The following PCDHGA4 variants were observed in gnomAD, a reference collection of about 807,000 sequenced individuals.
The protein encoded by PCDHGA4 is protocadherin gamma subfamily A, 4.
In PCDHGA4, 38 loss-of-function variants were observed where a neutral mutation model predicts 54.6. The ratio of observed to expected loss-of-function variants is 0.70; its 90% CI spans 0.54 to 0.91. PCDHGA4 has a LOEUF of 0.91. Among genes scored for constraint, PCDHGA4 ranks in the 40% least tolerant of loss-of-function variants. PCDHGA4 has a pLI of 0.00. For missense variants in PCDHGA4, 1,298 were observed against 1,220.9 expected (o/e 1.06, Z -0.94); for synonymous variants, 511 against 512.9 (o/e 1.00, Z 0.05).
At position 141,432,707 on chromosome 5, in the gene PCDHGA4, G is replaced by A. The variant is rs750859951; in HGVS notation, c.2515-62100G>A. ...CCTCGTAGTGGCCGTCCAGGACCAC[G>A]GCCAGCCCCCTCTCTCCGCCACTGT... On this transcript the variant is annotated intron_variant, in intron 1 of 3. Coordinates refer to ENST00000571252, the MANE Select transcript of PCDHGA4 (RefSeq NM_018917.4). The surrounding 1 kb of genome is among the most constrained non-coding windows in gnomAD (Gnocchi z 6.0). 5 of 1,613,988 alleles carry A rather than the reference G, an allele frequency of 3.1e-6. No individual in the cohort carries two copies. Among genetic ancestry groups the A allele is most frequent in the Non-Finnish European group, 4.2e-6 (5 of 1,179,970 alleles).
Position 141,403,062 on chromosome 5 carries a change from A to G in PCDHGA4, c.2514+45441A>G, listed in dbSNP as rs780758422. On this transcript the variant is annotated intron_variant, in intron 1 of 3. Transcript: ENST00000571252. ...AGTCAGATTCGCTACTCAGTGCCTG[A>G]AGAGACAGAAAAGGGCTATATTGTG... is the stretch of plus-strand genomic sequence containing the variant. The G allele has an allele frequency of 7.4e-6, 12 of 1,613,964 alleles. 1 individual carries two copies. The South Asian group carries it at 1.1e-4, about 15-fold the overall frequency.
chr5:141,370,451 C>A, intron 1 of PCDHGA4: 1 of 1,611,138 alleles, frequency 6.2e-7, no homozygotes, highest in Non-Finnish European at 8.5e-7. Flanking sequence ...TGCTATTTCT[C>A]TTCCTGCTCT....
chr5:141,478,956 T>C (rs2099484450), intron 1 of PCDHGA4, among the ~76,000 whole-genome samples: 1 of 152,200 alleles, frequency 6.6e-6, no homozygotes. Context: ...AACTACCTCA[T>C]TCCTCCACCT....
intron 1 of PCDHGA4, among the ~76,000 whole-genome samples, chr5:141,438,636 ACACACAC>A: frequency 3.9e-5 from 1 of 25,700 alleles, no homozygotes; most frequent in African/African-American, 1.5e-4. Flanking sequence ...ATATATATAT[ACACACAC>A]ACACACACAT....
chr5:141,374,274 T>C lies in PCDHGA4; in HGVS notation c.2514+16653T>C, dbSNP rs981240859. ...CCCCAGGAGTTGGCGGAGCACGGAG[T>C]CCGCATCGTCTCCAGAGGTAGGATG... On this transcript the variant is annotated intron_variant, in intron 1 of 3. Transcript: ENST00000571252. The C allele has an allele frequency of 6.2e-7, 1 of 1,613,742 alleles. No homozygotes were observed. Among genetic ancestry groups the C allele is most frequent in the African/African-American group, 1.3e-5 (1 of 74,888 alleles).
intron 2 of PCDHGA4, among the ~76,000 whole-genome samples, chr5:141,496,013 T>C (rs2154591828): frequency 6.6e-6 from 1 of 152,134 alleles, no homozygotes; most frequent in East Asian, 1.9e-4. Flanking sequence ...CTTGTCTTTT[T>C]TCTCTGAGCC....
chr5:141,401,370 G>A (rs1226150761), intron 1 of PCDHGA4, among the ~76,000 whole-genome samples: 1 of 152,028 alleles, frequency 6.6e-6, no homozygotes, highest in Non-Finnish European at 1.5e-5. Flanking sequence ...AGGAGAGGAA[G>A]AAGAAGAAAA....
chr5:141,498,045 A>G (rs1368474174), intron 2 of PCDHGA4, among the ~76,000 whole-genome samples: 4 of 152,256 alleles, frequency 2.6e-5, no homozygotes, highest in Non-Finnish European at 4.4e-5. Flanking sequence ...AATTACAAAA[A>G]TAAATGTGAG....
At chr5:141,385,921 T>C (rs1283836532) in intron 1 of PCDHGA4, 1 of 152,286 alleles carries the variant, frequency 6.6e-6, no homozygotes. Context: ...CTAAGATCTA[T>C]ATCAAAGACA....
chr5:141,385,081 T>G, intron 1 of PCDHGA4: 1 of 1,614,164 alleles, frequency 6.2e-7, no homozygotes, highest in Non-Finnish European at 8.5e-7. Flanking sequence ...GCTGCAGGCT[T>G]CAGAAGGTGG....
chr5:141,362,498 A>G, intron 1 of PCDHGA4: 2 of 1,614,032 alleles, frequency 1.2e-6, no homozygotes, highest in Non-Finnish European at 1.7e-6. Context: ...GCCTCTTGGG[A>G]ACAAAATACA....
chr5:141,489,397 G>T lies in PCDHGA4; in HGVS notation c.2515-5410G>T. ...GGTGGGGAATGTTGCTCAGGATCTG[G>T]GCTTAAAGATGACAGATCTGTTGAG... On this transcript the variant is annotated intron_variant, in intron 1 of 3. Coordinates refer to ENST00000571252, the MANE Select transcript of PCDHGA4 (RefSeq NM_018917.4). The surrounding 1 kb of genome is among the most constrained non-coding windows in gnomAD (Gnocchi z 4.5). 2 of 1,614,176 alleles carry T rather than the reference G, an allele frequency of 1.2e-6. No individual in the cohort carries two copies. Among genetic ancestry groups the T allele is most frequent in the Non-Finnish European group, 1.7e-6 (2 of 1,180,038 alleles).
rs977174958 is a variant in PCDHGA4, at chr5:141,394,524, G to C, written c.2514+36903G>C. 3.7e-6 allele frequency: 6 copies of C among 1,614,096 alleles called. No homozygotes were observed. The African/African-American group carries it at 6.7e-5, about 18-fold the overall frequency. ...CCTGTACCCCGCCCTCCCCACAGAC[G>C]GTTCCACTGGCGTGGAGCTGGCGCC... On this transcript the variant is annotated intron_variant, in intron 1 of 3. Coordinates refer to ENST00000571252, the MANE Select transcript of PCDHGA4 (RefSeq NM_018917.4).
intron 1 of PCDHGA4, chr5:141,379,340 T>C (rs576770875): frequency 1.3e-5 from 2 of 152,350 alleles, no homozygotes; most frequent in South Asian, 4.1e-4. Flanking sequence ...TCTTCAAAGC[T>C]CATTTTCTTG....
intron 1 of PCDHGA4, among the ~76,000 whole-genome samples, chr5:141,479,053 A>G (rs534968614): frequency 9.2e-5 from 14 of 152,334 alleles, no homozygotes; most frequent in African/African-American, 3.1e-4. Context: ...TCATTCTCAG[A>G]TAATTTTTTA....
intron 1 of PCDHGA4, chr5:141,361,497 G>C: frequency 6.2e-7 from 1 of 1,614,042 alleles, no homozygotes; most frequent in Non-Finnish European, 8.5e-7. Flanking sequence ...TTTTCCAACA[G>C]ACTTCCTACA....
chr5:141,465,546 T>C (rs572856697), intron 1 of PCDHGA4, among the ~76,000 whole-genome samples: 1 of 152,338 alleles, frequency 6.6e-6, no homozygotes, highest in South Asian at 2.1e-4. Context: ...GCATTTTTTC[T>C]GCTGAAGCTT....
intron 1 of PCDHGA4, among the ~76,000 whole-genome samples, chr5:141,433,837 C>CA (rs56191208): frequency 0.14 from 15,134 of 111,544 alleles, 1,164 homozygotes; most frequent in African/African-American, 0.25. Context: ...AACTCTATCT[C>CA]AAAAAAAAAA....
At chr5:141,363,921 G>A (rs1014705709) in intron 1 of PCDHGA4, among the ~76,000 whole-genome samples, 20 of 152,132 alleles carry the variant, frequency 1.3e-4, no homozygotes, top group African/African-American at 4.3e-4. Flanking sequence ...TTTTTGTAAG[G>A]TATTGAGATC....
Sources: gnomAD v4.1 joint callset for allele counts (sites outside exome capture counted in the v4.1 genomes callset) on GRCh38, gnomAD v4.1.1 for gene constraint, Gnocchi (gnomAD v3.1) non-coding constraint, MANE v1.5 for transcripts, NCBI Gene and HGNC (gene_info 2026-07-23, HGNC 2026-07-21) for gene names.